ADGRB3: variants seen among roughly 807,000 people sequenced by gnomAD.
ADGRB3 encodes adhesion G protein-coupled receptor B3.
ADGRB3 carries 37 observed loss-of-function variants against 193.4 expected under a neutral mutation model. That is an observed-to-expected ratio of 0.19 (90% CI 0.15 to 0.25). The LOEUF (loss-of-function observed/expected upper bound fraction) is 0.25. Ranked by LOEUF, ADGRB3 falls within the 10% of genes least tolerant of loss-of-function variation. ADGRB3 has a pLI of 1.00. For missense variants in ADGRB3, 1,637 were observed against 1,852.9 expected (o/e 0.88, Z 2.14); for synonymous variants, 690 against 644.2 (o/e 1.07, Z -1.08).
At chr6:68,800,860 GAGA>G (rs1262574265) in intron 3 of ADGRB3, among the ~76,000 whole-genome samples, 1 of 152,148 alleles carries the variant, frequency 6.6e-6, no homozygotes, top group Non-Finnish European at 1.5e-5. Context: ...TGGGAGCACA[GAGA>G]AGGAGAGAAG....
At chr6:69,141,561 G>A (rs545807861) in intron 17 of ADGRB3, among the ~76,000 whole-genome samples, 1 of 152,210 alleles carries the variant, frequency 6.6e-6, no homozygotes, top group African/African-American at 2.4e-5. Context: ...TGCAAAGGCT[G>A]TTTTGGAGGG....
At chr6:69,082,258 A>T (rs1470464877) in intron 17 of ADGRB3, among the ~76,000 whole-genome samples, 1 of 152,178 alleles carries the variant, frequency 6.6e-6, no homozygotes, top group African/African-American at 2.4e-5. Flanking sequence ...GAAAATATTG[A>T]TTATACATCA....
rs1766835521 is a variant in ADGRB3, at chr6:68,914,978, T to C, written c.758-15581T>C. On this transcript the variant is annotated intron_variant, in intron 3 of 31. Transcript: ENST00000370598. ...TAAGATTATAAAAACCCAGAGCATA[T>C]ATTTGCCTGATTCTCTGTTAATCAT... Among the ~76,000 whole-genome samples the C allele has an allele frequency of 6.6e-5, 10 of 152,302 alleles. No individual in the cohort carries two copies. In the South Asian group the frequency reaches 2.1e-3, roughly 32 times the overall value.
At chr6:69,337,128 T>TA (rs1768866511) in intron 24 of ADGRB3, among the ~76,000 whole-genome samples, 1 of 152,224 alleles carries the variant, frequency 6.6e-6, no homozygotes, top group Non-Finnish European at 1.5e-5. Flanking sequence ...CTAAAATACT[T>TA]ACACTATGTA....
chr6:68,699,608 T>C (rs1489323151), intron 3 of ADGRB3, among the ~76,000 whole-genome samples: 3 of 151,906 alleles, frequency 2.0e-5, no homozygotes, highest in Non-Finnish European at 4.4e-5. Flanking sequence ...TAAGAGAATC[T>C]CCCATTTGAG....
chr6:68,884,182 C>T (rs514545), intron 3 of ADGRB3, among the ~76,000 whole-genome samples: 48,113 of 152,004 alleles, frequency 0.32, 8,227 homozygotes, highest in East Asian at 0.59. Flanking sequence ...TAGGCTTTAA[C>T]ATATACTCTT....
chr6:68,846,669 G>A (rs1197751238), intron 3 of ADGRB3, among the ~76,000 whole-genome samples: 8 of 152,198 alleles, frequency 5.3e-5, no homozygotes, highest in Admixed American at 3.9e-4. Context: ...CAAGAATTGA[G>A]GTTTGGGAAG....
At chr6:69,014,876 G>A (rs1463157602) in intron 12 of ADGRB3, among the ~76,000 whole-genome samples, 6 of 151,610 alleles carry the variant, frequency 4.0e-5, no homozygotes, top group Admixed American at 6.6e-5. Flanking sequence ...ACTGAGGTTC[G>A]GGTTTTCCCT....
intron 8 of ADGRB3, among the ~76,000 whole-genome samples, chr6:68,970,778 T>C (rs1279097305): frequency 6.6e-6 from 1 of 152,176 alleles, no homozygotes; most frequent in Non-Finnish European, 1.5e-5. Context: ...GTGCATGAAA[T>C]AACCAATGAG....
intron 24 of ADGRB3, among the ~76,000 whole-genome samples, chr6:69,334,264 A>G (rs1278992185): frequency 1.3e-5 from 2 of 152,078 alleles, no homozygotes; most frequent in Admixed American, 1.3e-4. Flanking sequence ...TAATAGTCCT[A>G]CTAATTGATC....
intron 20 of ADGRB3, among the ~76,000 whole-genome samples, chr6:69,297,440 C>T (rs1304641581): frequency 1.4e-5 from 2 of 139,146 alleles, no homozygotes; most frequent in African/African-American, 5.5e-5. Flanking sequence ...TTTGAGGAAG[C>T]CTTTTGATGT....
At chr6:68,777,460 TAGAG>T (rs1766769629) in intron 3 of ADGRB3, among the ~76,000 whole-genome samples, 1 of 152,060 alleles carries the variant, frequency 6.6e-6, no homozygotes, top group South Asian at 2.1e-4. Context: ...AAATTTGTAT[TAGAG>T]AGCCAAAGTA....
intron 17 of ADGRB3, among the ~76,000 whole-genome samples, chr6:69,220,923 C>T (rs1765880823): frequency 6.6e-6 from 1 of 152,030 alleles, no homozygotes; most frequent in Non-Finnish European, 1.5e-5. Context: ...ATCACTAAAT[C>T]ACTATCCACA....
rs1769436421 is a variant in ADGRB3 at position 69,360,899 on chromosome 6, C to T, written c.3626C>T (p.Ala1209Val). The change falls in exon 29 of 32, where the codon GCA becomes GTA. Residue 1209 changes from alanine to valine, a missense_variant. By Grantham distance (64) the Ala-to-Val change is moderately conservative (BLOSUM62 0). Transcript: ENST00000370598. ...CATAAGGATATTGGTCCTTGCCGAG[C>T]AGCCACAATAACAGGAACACTTTCT... Reference protein sequence around the residue: ...VLHKDIGPCRAATITGTLSRI... With the variant: ...VLHKDIGPCRVATITGTLSRI... 3 of 1,609,900 alleles carry T rather than the reference C, an allele frequency of 1.9e-6. No homozygotes were observed. In the East Asian group the frequency reaches 6.7e-5, roughly 36 times the overall value.
chr6:68,812,365 G>A (rs1321171093), intron 3 of ADGRB3, among the ~76,000 whole-genome samples: 3 of 151,864 alleles, frequency 2.0e-5, no homozygotes, highest in African/African-American at 4.8e-5. Flanking sequence ...ATTTTTAAAG[G>A]AAACCCACTT....
intron 3 of ADGRB3, among the ~76,000 whole-genome samples, chr6:68,901,674 A>G (rs1766397241): frequency 6.6e-6 from 1 of 152,228 alleles, no homozygotes; most frequent in African/African-American, 2.4e-5. Context: ...GAAAAAAGTC[A>G]TACATTAAAA....
intron 17 of ADGRB3, among the ~76,000 whole-genome samples, chr6:69,181,045 C>G (rs1775566525): frequency 6.6e-6 from 1 of 152,096 alleles, no homozygotes; most frequent in South Asian, 2.1e-4. Context: ...GCTCAGATCC[C>G]CAGGAGAAAA....
At chr6:68,656,433 C>T (rs1396224304) in intron 3 of ADGRB3, among the ~76,000 whole-genome samples, 3 of 151,438 alleles carry the variant, frequency 2.0e-5, no homozygotes, top group African/African-American at 4.8e-5. Flanking sequence ...ATCTGTAACA[C>T]ACTGGATTAT....
At chr6:68,911,664 T>C (rs1766714888) in intron 3 of ADGRB3, among the ~76,000 whole-genome samples, 1 of 152,218 alleles carries the variant, frequency 6.6e-6, no homozygotes, top group East Asian at 1.9e-4. Context: ...TTAACATTTA[T>C]GTTTAATTTG....
Sources: gnomAD v4.1 joint callset for allele counts (sites outside exome capture counted in the v4.1 genomes callset) on GRCh38, gnomAD v4.1.1 for gene constraint, MANE v1.5 for transcripts, NCBI Gene and HGNC (gene_info 2026-07-23, HGNC 2026-07-21) for gene names.